The following CNBD1 variants were observed in gnomAD, a reference collection of about 807,000 sequenced individuals.
The protein encoded by CNBD1 is cyclic nucleotide binding domain containing 1, also known as cyclic nucleotide-binding domain-containing protein 1.
A neutral mutation model predicts 54.4 loss-of-function variants in CNBD1; 71 were observed. That is an observed-to-expected ratio of 1.30 (90% confidence interval 1.08 to 1.59). The LOEUF is 1.59. Among genes scored for constraint, CNBD1 ranks in the 40% most tolerant of loss-of-function variants. The probability of loss-of-function intolerance (pLI) is 0.00; values close to 1 mark genes in which losing one functional copy is unlikely to be tolerated. For missense variants in CNBD1, 659 were observed against 518.0 expected (o/e 1.27, Z -2.64); for synonymous variants, 182 against 170.7 (o/e 1.07, Z -0.51).
chr8:87,321,825 T>C (rs1293641240), intron 8 of CNBD1, among the ~76,000 whole-genome samples: 5 of 151,286 alleles, frequency 3.3e-5, no homozygotes, highest in Admixed American at 1.3e-4. Flanking sequence ...TTTTATACTT[T>C]AAGTTTTAGG....
At chr8:86,873,726 C>CT (rs1429659421) in intron 1 of CNBD1, among the ~76,000 whole-genome samples, 1 of 151,976 alleles carries the variant, frequency 6.6e-6, no homozygotes, top group African/African-American at 2.4e-5. Flanking sequence ...GGTATTTTAT[C>CT]TTTTTTCTAT....
At chr8:87,386,122 T>C (rs1811181852), downstream of CNBD1, among the ~76,000 whole-genome samples, 1 of 151,934 alleles carries the variant, frequency 6.6e-6, no homozygotes, top group South Asian at 2.1e-4. Flanking sequence ...TGCATCACCA[T>C]CATCAAAGAC....
At chr8:87,114,127 A>G (rs556765366) in intron 4 of CNBD1, among the ~76,000 whole-genome samples, 14 of 152,262 alleles carry the variant, frequency 9.2e-5, no homozygotes, top group African/African-American at 2.9e-4. Flanking sequence ...TCAACATACT[A>G]CTCAGTAATT....
intron 8 of CNBD1, among the ~76,000 whole-genome samples, chr8:87,350,760 T>C (rs1810272323): frequency 6.6e-6 from 1 of 151,986 alleles, no homozygotes; most frequent in Non-Finnish European, 1.5e-5. Flanking sequence ...AATTAAATAT[T>C]GATATGTTTC....
At chr8:86,928,617 A>G (rs1184898809) in intron 3 of CNBD1, among the ~76,000 whole-genome samples, 1 of 152,188 alleles carries the variant, frequency 6.6e-6, no homozygotes, top group Non-Finnish European at 1.5e-5. Context: ...CCAATTTGTG[A>G]AGGTATCAAC....
chr8:87,377,911 G>C (rs78744301), intron 10 of CNBD1, among the ~76,000 whole-genome samples: 101,262 of 148,550 alleles, frequency 0.68, 35,148 homozygotes, highest in African/African-American at 0.81. Flanking sequence ...CAGTGATGAT[G>C]AGCATTTTTT....
chr8:86,870,004 C>A (rs1241235397), intron 1 of CNBD1, among the ~76,000 whole-genome samples: 1 of 151,488 alleles, frequency 6.6e-6, no homozygotes, highest in Non-Finnish European at 1.5e-5. Context: ...TAAAAATATG[C>A]TTTACATTTT....
rs536210883 is a variant in CNBD1, at chr8:87,374,491, GC to G, written c.1304-8126del. On this transcript the variant is annotated intron_variant, in intron 10 of 10. Transcript: ENST00000518476. ...ATTACTGAGGATTTTCATTTTCATT[GC>G]CCGTCTTTACATACCCAGTTGGGTT... is the stretch of plus-strand genomic sequence containing the variant. 1.7e-3 allele frequency among the ~76,000 whole-genome samples: 263 copies of G among 151,776 alleles called. 1 individual carries two copies. Among genetic ancestry groups the G allele is most frequent in the African/African-American group, 6.0e-3 (247 of 41,462 alleles).
intron 1 of CNBD1, among the ~76,000 whole-genome samples, chr8:86,874,914 T>A (rs749489847): frequency 6.7e-6 from 1 of 150,310 alleles, no homozygotes; most frequent in Admixed American, 6.7e-5. Context: ...TAGGATGCCA[T>A]TACTCCCAGG....
intron 4 of CNBD1, among the ~76,000 whole-genome samples, chr8:87,173,644 T>C (rs1387842640): frequency 2.0e-5 from 3 of 149,024 alleles, no homozygotes; most frequent in Non-Finnish European, 3.0e-5. Flanking sequence ...GCCAGACCTA[T>C]TGGAGCTCCA....
chr8:87,423,753 T>C (rs1807988963), intron 2 of CNBD1, among the ~76,000 whole-genome samples: 1 of 151,864 alleles, frequency 6.6e-6, no homozygotes, highest in African/African-American at 2.4e-5. Context: ...TGGTTGTGTC[T>C]CTGCCCGGCT....
At chr8:87,356,845 G>A (rs952566356) in intron 10 of CNBD1, among the ~76,000 whole-genome samples, 2 of 152,102 alleles carry the variant, frequency 1.3e-5, no homozygotes, top group Admixed American at 1.3e-4. Flanking sequence ...CAGAAATCTT[G>A]AAGACAGCTC....
intron 3 of CNBD1, among the ~76,000 whole-genome samples, chr8:86,910,788 A>G (rs561510339): frequency 6.6e-6 from 1 of 152,340 alleles, no homozygotes; most frequent in East Asian, 1.9e-4. Flanking sequence ...AGTGAGGTTA[A>G]GAGCAGAGGT....
At chr8:86,939,454 A>C (rs1472377592) in intron 3 of CNBD1, 142 bp from the exon 4 acceptor site, 3 of 501,182 alleles carry the variant, frequency 6.0e-6, no homozygotes, top group Non-Finnish European at 1.1e-5. Context: ...GAAACATTCT[A>C]ATGCATTTAA....
At chr8:86,997,468 C>A (rs1256953281) in intron 4 of CNBD1, among the ~76,000 whole-genome samples, 1 of 152,130 alleles carries the variant, frequency 6.6e-6, no homozygotes, top group Non-Finnish European at 1.5e-5. Context: ...GTATTTCAGA[C>A]TTTTAGTCCT....
intron 4 of CNBD1, among the ~76,000 whole-genome samples, chr8:86,992,119 C>T (rs957394303): frequency 6.6e-6 from 1 of 152,016 alleles, no homozygotes; most frequent in Non-Finnish European, 1.5e-5. Context: ...TTGAAGTCTC[C>T]CACTATTATT....
chr8:87,333,839 T>A (rs1809886634), intron 8 of CNBD1, among the ~76,000 whole-genome samples: 1 of 152,176 alleles, frequency 6.6e-6, no homozygotes. Flanking sequence ...TTTTTTTTGT[T>A]GTGTTCCTGC....
intron 8 of CNBD1, among the ~76,000 whole-genome samples, chr8:87,330,556 C>T (rs565528423): frequency 1.3e-3 from 200 of 152,022 alleles, no homozygotes; most frequent in Non-Finnish European, 2.2e-3. Context: ...TGTTGTTTAG[C>T]GGTGTGTTGT....
At chr8:86,948,950 G>T (rs961549934) in intron 4 of CNBD1, among the ~76,000 whole-genome samples, 10 of 152,074 alleles carry the variant, frequency 6.6e-5, no homozygotes, top group African/African-American at 1.9e-4. Flanking sequence ...AGAAATAGGG[G>T]TCTAGTTGTT....
Sources: allele counts gnomAD v4.1 joint callset (sites outside exome capture counted in the v4.1 genomes callset), GRCh38; gene constraint gnomAD v4.1.1; transcripts MANE v1.5; gene names NCBI Gene and HGNC (gene_info 2026-07-23, HGNC 2026-07-21).